EVC2: variants seen among roughly 807,000 people sequenced by gnomAD.
EVC2 encodes the protein EvC ciliary complex subunit 2.
EVC2 carries 148 observed loss-of-function variants against 149.3 expected under a neutral mutation model. The observed-to-expected ratio is 0.99, with a 90% confidence interval of 0.87 to 1.14. EVC2 has a LOEUF of 1.14. Ranked by LOEUF, EVC2 falls within the 50% of genes most tolerant of loss-of-function variation. The pLI, the probability that EVC2 is intolerant of heterozygous loss-of-function variation, is 0.00. For missense variants in EVC2, 1,854 were observed against 1,627.3 expected (o/e 1.14, Z -2.40); for synonymous variants, 776 against 649.9 (o/e 1.19, Z -2.95).
chr4:5,622,449 G>T lies in EVC2; in HGVS notation c.2501+88C>A. The T allele has an allele frequency of 6.8e-7, 1 of 1,460,164 alleles. No individual in the cohort carries two copies. The highest frequency in any genetic ancestry group is 2.4e-5 in the East Asian group (1 of 40,892). 90.5% of individuals were successfully genotyped at this position (1,460,164 alleles called of 1,614,324 possible). A position where few individuals can be genotyped will look rare whatever the true frequency, so the allele number is the denominator to read the frequency against. ...ATCTGTCTGGGGCCAGGTGTCTCAT[G>T]CTTGGCCATCCCCACAACCACAGGG... On this transcript the variant is annotated intron_variant, in intron 14 of 21. Coordinates refer to ENST00000344408, the MANE Select transcript of EVC2 (RefSeq NM_147127.5). This position sits in a 1 kb window ranked among gnomAD's most constrained non-coding sequence, Gnocchi z 5.8.
chr4:5,578,085 C>A (rs1403563487), intron 17 of EVC2, among the ~76,000 whole-genome samples: 1 of 152,164 alleles, frequency 6.6e-6, no homozygotes, highest in Non-Finnish European at 1.5e-5. Context: ...GATGGTGTCC[C>A]CAAACCCCTG....
At chr4:5,588,072 G>A (rs530444148) in intron 16 of EVC2, among the ~76,000 whole-genome samples, 1 of 152,118 alleles carries the variant, frequency 6.6e-6, no homozygotes, top group Admixed American at 6.5e-5. Flanking sequence ...AACATTTCTT[G>A]GAGTATGAAT....
downstream of EVC2, among the ~76,000 whole-genome samples, chr4:5,557,794 G>C (rs1021667051): frequency 1.3e-5 from 2 of 152,016 alleles, no homozygotes; most frequent in Non-Finnish European, 2.9e-5. Context: ...AATTCGAAAT[G>C]TTAAAAATAC....
In EVC2 at chr4:5,623,062, T is replaced by G; in HGVS notation, c.2047-71A>C. On this transcript the variant is annotated intron_variant, in intron 13 of 21. Transcript: ENST00000344408. ...GTACAGTCCTTTGGCTGAAACACTT[T>G]GTTGCAGGAAGCACAGAATGTTTAT... 6 of 1,406,696 alleles carry G rather than the reference T, an allele frequency of 4.3e-6. No individual in the cohort carries two copies. In the South Asian group the frequency reaches 7.3e-5, roughly 17 times the overall value. 87.1% of individuals were successfully genotyped at this position (1,406,696 alleles called of 1,614,324 possible).
Position 5,640,965 on chromosome 4 carries a change from T to C in EVC2, c.1146-127A>G. On this transcript the variant is annotated intron_variant, in intron 9 of 21. Transcript: ENST00000344408. The surrounding 1 kb of genome is among the most constrained non-coding windows in gnomAD (Gnocchi z 4.6). ...CTTTCTTCGTCTTCCTTTTCTTCCT[T>C]TCCCCGCTCACTTCTGCTTCATCCA... is the stretch of plus-strand genomic sequence containing the variant. 1 of 1,083,912 alleles carries C rather than the reference T, an allele frequency of 9.2e-7. No individual in the cohort carries two copies. Among genetic ancestry groups the C allele is most frequent in the Non-Finnish European group, 1.4e-6 (1 of 725,394 alleles). 67.1% of individuals were successfully genotyped at this position (1,083,912 alleles called of 1,614,324 possible).
intron 7 of EVC2, 48 bp downstream of exon 7, chr4:5,681,212 C>G: frequency 6.2e-7 from 1 of 1,603,936 alleles, no homozygotes; most frequent in Non-Finnish European, 8.5e-7. Flanking sequence ...AGGACCCACA[C>G]AGCACAGGTG....
At chr4:5,605,440 AC>A (rs1405471393) in intron 16 of EVC2, among the ~76,000 whole-genome samples, 1 of 152,076 alleles carries the variant, frequency 6.6e-6, no homozygotes, top group Non-Finnish European at 1.5e-5. Flanking sequence ...CAGCACCCCA[AC>A]CCCCATGTTG....
intron 1 of EVC2, 100 bp from the exon 2 acceptor site, chr4:5,697,747 T>C (rs1721573742): frequency 2.4e-6 from 1 of 417,690 alleles, no homozygotes; most frequent in Admixed American, 4.7e-5. Flanking sequence ...GGACATGCAC[T>C]TTTTTTTTTT....
intron 9 of EVC2, among the ~76,000 whole-genome samples, chr4:5,644,663 T>A (rs556820858): frequency 1.6e-4 from 25 of 152,202 alleles, no homozygotes; most frequent in Non-Finnish European, 2.9e-4. Context: ...TATATTCTTG[T>A]TTTCCTTCGT....
Position 5,622,464 on chromosome 4 carries a change from C to A in EVC2, c.2501+73G>T. 1.3e-6 allele frequency: 2 copies of A among 1,546,392 alleles called. No homozygotes were observed. Among genetic ancestry groups the A allele is most frequent in the Non-Finnish European group, 1.8e-6 (2 of 1,135,474 alleles). Reference sequence around the variant, plus strand: ...GGTGTCTCATGCTTGGCCATCCCCACAACCACAGGGCAGGAATCTCCCTGG... The same window carrying A: ...GGTGTCTCATGCTTGGCCATCCCCAAAACCACAGGGCAGGAATCTCCCTGG... On this transcript the variant is annotated intron_variant, in intron 14 of 21. Coordinates refer to ENST00000344408, the MANE Select transcript of EVC2 (RefSeq NM_147127.5). The surrounding 1 kb of genome is among the most constrained non-coding windows in gnomAD (Gnocchi z 5.8).
At position 5,618,409 on chromosome 4, in the gene EVC2, G is replaced by A; in HGVS notation, c.2706+69C>T. The A allele has an allele frequency of 1.9e-6, 3 of 1,586,258 alleles. No homozygotes were observed. Among genetic ancestry groups the A allele is most frequent in the Non-Finnish European group, 1.7e-6 (2 of 1,158,422 alleles). Reference sequence around the variant, plus strand: ...TGGGCTCAGGCTGGGGAAGAGGCCAGACCCTGTAGGGCCAGCAGCTGGGAG... The same window carrying A: ...TGGGCTCAGGCTGGGGAAGAGGCCAAACCCTGTAGGGCCAGCAGCTGGGAG... On this transcript the variant is annotated intron_variant, in intron 15 of 21. Transcript: ENST00000344408. The surrounding 1 kb of genome is among the most constrained non-coding windows in gnomAD (Gnocchi z 4.4).
At chr4:5,704,594 G>A (rs979484656) in intron 1 of EVC2, among the ~76,000 whole-genome samples, 68 of 152,162 alleles carry the variant, frequency 4.5e-4, no homozygotes, top group African/African-American at 1.4e-3. Flanking sequence ...ACAGAAGGAA[G>A]AAGAGAACCC....
At chr4:5,655,797 G>C (rs1301089559) in intron 9 of EVC2, among the ~76,000 whole-genome samples, 4 of 151,258 alleles carry the variant, frequency 2.6e-5, no homozygotes, top group East Asian at 3.9e-4. Flanking sequence ...GAGGGAGGGA[G>C]GGAGGGAGGA....
At chr4:5,706,842 GT>G (rs1722233304) in intron 1 of EVC2, among the ~76,000 whole-genome samples, 1 of 152,112 alleles carries the variant, frequency 6.6e-6, no homozygotes, top group South Asian at 2.1e-4. Context: ...CTGAATACAG[GT>G]GCTCATTCCC....
At chr4:5,552,797 T>G (rs1721765590) in intron 21 of EVC2, among the ~76,000 whole-genome samples, 1 of 152,130 alleles carries the variant, frequency 6.6e-6, no homozygotes, top group South Asian at 2.1e-4. Flanking sequence ...GACAGAATAC[T>G]GAAGAGGAAG....
chr4:5,622,929 G>A lies in EVC2; in HGVS notation c.2109C>T (p.Ala703=), dbSNP rs1290218024. ...VGEAFRTVED[A]GQYLHQKRSL... ...TCCTCTTCTGGTGCAGGTACTGGCC[G>A]GCATCCTCAACCGTTCGGAAGGCCT... The change falls in exon 14 of 22, where the codon GCC becomes GCT. Residue 703 remains alanine (A), a synonymous_variant. Coordinates refer to ENST00000344408, the MANE Select transcript of EVC2 (RefSeq NM_147127.5). The surrounding 1 kb of genome is among the most constrained non-coding windows in gnomAD (Gnocchi z 5.8). 3.5e-5 allele frequency: 56 copies of A among 1,613,994 alleles called. No individual in the cohort carries two copies. The highest frequency in any genetic ancestry group is 4.7e-5 in the Non-Finnish European group (55 of 1,180,038).
chr4:5,642,126 T>C (rs1218371832), intron 9 of EVC2, among the ~76,000 whole-genome samples: 1 of 152,234 alleles, frequency 6.6e-6, no homozygotes, highest in Admixed American at 6.5e-5. Context: ...TTATTTTTTA[T>C]GGCTGCACAG....
Position 5,663,282 on chromosome 4 carries a change from CCTT to C in EVC2, c.1006-39_1006-37del, listed in dbSNP as rs767192419. 6.8e-6 allele frequency: 11 copies of C among 1,613,034 alleles called. No individual in the cohort carries two copies. The South Asian group carries it at 1.2e-4, about 18-fold the overall frequency. ...ATTGCGGAAATAATAATTGATTGGG[CCTT>C]CTTGTGAATTCCACGTGCTGAGAAA... On this transcript the variant is annotated intron_variant, in intron 8 of 21. Transcript: ENST00000344408.
In EVC2 at chr4:5,666,944, T is replaced by C. The variant is rs566360819; in HGVS notation, c.871-1295A>G. Among the ~76,000 whole-genome samples, 11 of 152,284 alleles carry C rather than the reference T, an allele frequency of 7.2e-5. 1 individual carries two copies. The South Asian group carries it at 1.9e-3, about 26-fold the overall frequency. On this transcript the variant is annotated intron_variant, in intron 7 of 21. Coordinates refer to ENST00000344408, the MANE Select transcript of EVC2 (RefSeq NM_147127.5). The stretch of plus-strand genomic sequence containing the variant: ...TACATAATTCATGGCTAAAATAACT[T>C]TCCCTCAAGATGTTGATGGTGCCAT...
Sources: gnomAD v4.1 joint callset for allele counts (sites outside exome capture counted in the v4.1 genomes callset) on GRCh38, gnomAD v4.1.1 for gene constraint, Gnocchi (gnomAD v3.1) non-coding constraint, MANE v1.5 for transcripts, NCBI Gene and HGNC (gene_info 2026-07-23, HGNC 2026-07-21) for gene names.